Variants in COL25A1 observed in about 807,000 individuals in gnomAD.
COL25A1 encodes collagen type XXV alpha 1 chain.
Under a neutral mutation model 128.4 loss-of-function variants are expected in COL25A1, and 103 were observed. That is an observed-to-expected ratio of 0.80 (90% CI 0.68 to 0.94). The LOEUF is 0.94. Among genes scored for constraint, COL25A1 ranks in the 40% least tolerant of loss-of-function variants. The pLI, the probability that COL25A1 is intolerant of heterozygous loss-of-function variation, is 0.00. For missense variants in COL25A1, 745 were observed against 840.0 expected (o/e 0.89, Z 1.40); for synonymous variants, 279 against 277.2 (o/e 1.01, Z -0.06).
chr4:108,998,683 C>T (rs1755029245), intron 6 of COL25A1, among the ~76,000 whole-genome samples: 1 of 152,172 alleles, frequency 6.6e-6, no homozygotes, highest in Non-Finnish European at 1.5e-5. Flanking sequence ...AAGAACAAAG[C>T]TGGAGGCAAC....
chr4:109,078,708 A>C (rs1479462229), intron 3 of COL25A1, among the ~76,000 whole-genome samples: 2 of 152,226 alleles, frequency 1.3e-5, no homozygotes, highest in Non-Finnish European at 2.9e-5. Flanking sequence ...TAGGGGAAAA[A>C]CTAGATGAAT....
intron 3 of COL25A1, among the ~76,000 whole-genome samples, chr4:109,277,181 C>G (rs77640591): frequency 4.6e-5 from 7 of 152,188 alleles, no homozygotes; most frequent in Non-Finnish European, 1.0e-4. Flanking sequence ...TAATTATTCC[C>G]CCTTAGCCTT....
intron 3 of COL25A1, among the ~76,000 whole-genome samples, chr4:109,079,588 CAGAT>C (rs760789019): frequency 6.6e-6 from 1 of 151,996 alleles, no homozygotes; most frequent in Non-Finnish European, 1.5e-5. Context: ...AATTCAAGCT[CAGAT>C]AGCTAAAAAG....
chr4:108,869,396 A>G (rs1738423780), intron 19 of COL25A1, among the ~76,000 whole-genome samples: 1 of 152,106 alleles, frequency 6.6e-6, no homozygotes, highest in South Asian at 2.1e-4. Flanking sequence ...GCAAATATCA[A>G]TCCTGAGTCG....
Position 109,301,807 on chromosome 4 carries a change from CCCT to C in COL25A1, c.210_212del (p.Gly71del). 3.1e-6 allele frequency: 5 copies of C among 1,614,246 alleles called. No homozygotes were observed. Among genetic ancestry groups the C allele is most frequent in the Non-Finnish European group, 4.2e-6 (5 of 1,180,042 alleles). On this transcript the variant is annotated inframe_deletion, in exon 2 of 38. Coordinates refer to ENST00000399132, the MANE Select transcript of COL25A1 (RefSeq NM_198721.4). ...CAGGCAGCAGATGAATGGAAGGGGC[CCCT>C]TTGGCGGATTCGAGAGCGGCGATCC...
At chr4:109,055,766 CTGTCTATGAGCTATTTGAT>C (rs1451604224) in intron 3 of COL25A1, among the ~76,000 whole-genome samples, 1 of 152,198 alleles carries the variant, frequency 6.6e-6, no homozygotes, top group Non-Finnish European at 1.5e-5. Context: ...TAAAGGGGCA[CTGTCTATGAGCTATTTGAT>C]GCACACCAAC....
At chr4:109,166,796 T>C (rs1055475989) in intron 3 of COL25A1, among the ~76,000 whole-genome samples, 8 of 152,206 alleles carry the variant, frequency 5.3e-5, no homozygotes, top group African/African-American at 1.9e-4. Flanking sequence ...GAATCTAATA[T>C]ACAAATTAGA....
intron 3 of COL25A1, among the ~76,000 whole-genome samples, chr4:109,059,953 G>C (rs1282022017): frequency 6.6e-6 from 1 of 152,096 alleles, no homozygotes; most frequent in Non-Finnish European, 1.5e-5. Context: ...AAATGGCAGA[G>C]TACAACTTTT....
At chr4:109,095,807 A>G (rs1218255569) in intron 3 of COL25A1, among the ~76,000 whole-genome samples, 1 of 152,356 alleles carries the variant, frequency 6.6e-6, no homozygotes, top group Non-Finnish European at 1.5e-5. Context: ...AGAGGCACTT[A>G]TATGGAAAAG....
At chr4:109,049,594 C>T (rs1263119498) in intron 4 of COL25A1, among the ~76,000 whole-genome samples, 11 of 152,158 alleles carry the variant, frequency 7.2e-5, no homozygotes, top group Non-Finnish European at 1.3e-4. Flanking sequence ...TACTAAGGCT[C>T]TTGTCATCAC....
At chr4:109,005,262 T>A (rs1171215925) in intron 6 of COL25A1, among the ~76,000 whole-genome samples, 1 of 152,040 alleles carries the variant, frequency 6.6e-6, no homozygotes, top group Non-Finnish European at 1.5e-5. Flanking sequence ...AACAACTAGA[T>A]CTTATGAGAA....
chr4:108,884,887 G>A (rs147828212), intron 18 of COL25A1, among the ~76,000 whole-genome samples: 3 of 152,218 alleles, frequency 2.0e-5, no homozygotes, highest in African/African-American at 7.2e-5. Flanking sequence ...GTACATTTTG[G>A]GTGAGCATAT....
chr4:109,054,359 A>G (rs1761265709), intron 3 of COL25A1, among the ~76,000 whole-genome samples: 1 of 152,190 alleles, frequency 6.6e-6, no homozygotes, highest in Non-Finnish European at 1.5e-5. Context: ...CTATCTGGTA[A>G]ATAATACTCA....
intron 3 of COL25A1, among the ~76,000 whole-genome samples, chr4:109,237,854 C>T (rs1427236049): frequency 6.6e-6 from 1 of 152,024 alleles, no homozygotes; most frequent in African/African-American, 2.4e-5. Context: ...CAGCCCTTGG[C>T]AACCACTTTG....
At chr4:108,956,522 C>A (rs373150233) in intron 8 of COL25A1, among the ~76,000 whole-genome samples, 2 of 152,228 alleles carry the variant, frequency 1.3e-5, no homozygotes, top group East Asian at 3.9e-4. Flanking sequence ...TCTCCTGCCT[C>A]AGCCTCCCGA....
intron 3 of COL25A1, among the ~76,000 whole-genome samples, chr4:109,075,809 C>G (rs1763327815): frequency 6.6e-6 from 1 of 152,024 alleles, no homozygotes; most frequent in Admixed American, 6.6e-5. Context: ...ACATAAATAC[C>G]AAAACATCGA....
Position 109,095,753 on chromosome 4 carries a change from A to G in COL25A1, c.368-45574T>C, listed in dbSNP as rs1579349736. On this transcript the variant is annotated intron_variant, in intron 3 of 37. Transcript: ENST00000399132. Reference sequence around the variant, plus strand: ...GGAGTAGCAGACACGGGTATTTGTAAAACAAGGCCTAGCTGGACTAACAAA... The same window carrying G: ...GGAGTAGCAGACACGGGTATTTGTAGAACAAGGCCTAGCTGGACTAACAAA... Among the ~76,000 whole-genome samples, 3 of 152,210 alleles carry G rather than the reference A, an allele frequency of 2.0e-5. No homozygotes were observed. In the East Asian group the frequency reaches 5.8e-4, roughly 29 times the overall value.
chr4:108,826,640 A>G (rs537179502), intron 33 of COL25A1, among the ~76,000 whole-genome samples: 1 of 152,382 alleles, frequency 6.6e-6, no homozygotes, highest in South Asian at 2.1e-4. Context: ...TTAGAAAGTC[A>G]GAAACATCAA....
intron 3 of COL25A1, among the ~76,000 whole-genome samples, chr4:109,095,371 G>T (rs528588278): frequency 6.6e-6 from 1 of 152,186 alleles, no homozygotes; most frequent in South Asian, 2.1e-4. Flanking sequence ...AAATATACTG[G>T]TGTTTTTTTA....
Sources: gnomAD v4.1 joint callset for allele counts (sites outside exome capture counted in the v4.1 genomes callset) on GRCh38, gnomAD v4.1.1 for gene constraint, MANE v1.5 for transcripts, NCBI Gene and HGNC (gene_info 2026-07-23, HGNC 2026-07-21) for gene names.